The following GLDC variants were observed in gnomAD, a reference collection of about 807,000 sequenced individuals.
The protein encoded by GLDC is glycine decarboxylase.
A neutral mutation model predicts 121.3 loss-of-function variants in GLDC; 104 were observed. That is an observed-to-expected ratio of 0.86 (90% confidence interval 0.73 to 1.01). The LOEUF is 1.01. Ranked by LOEUF, GLDC falls within the 50% of genes least tolerant of loss-of-function variation. GLDC has a pLI of 0.00. For synonymous variants in GLDC, 546 were observed against 480.6 expected (o/e 1.14, Z -1.78); for missense variants, 1,429 against 1,306.6 (o/e 1.09, Z -1.44).
chr9:6,554,548 G>T, intron 19 of GLDC, 121 bp downstream of exon 19: 1 of 771,162 alleles, frequency 1.3e-6, no homozygotes, highest in Non-Finnish European at 2.3e-6. Flanking sequence ...CCCTACAAGT[G>T]CACTACACCG....
intron 4 of GLDC, 29 bp from the exon 5 acceptor site, chr9:6,606,698 G>C: frequency 7.9e-7 from 1 of 1,273,078 alleles, no homozygotes; most frequent in East Asian, 2.3e-5. Flanking sequence ...ACATTCCAAC[G>C]TGAACATTAA....
At chr9:6,599,717 T>C (rs547235385) in intron 8 of GLDC, among the ~76,000 whole-genome samples, 1 of 102,086 alleles carries the variant, frequency 9.8e-6, no homozygotes, top group South Asian at 3.0e-4. Flanking sequence ...CAAGACTCCA[T>C]CTCAAAAAAA....
At chr9:6,539,611 C>T (rs1349330485) in intron 22 of GLDC, among the ~76,000 whole-genome samples, 1 of 152,216 alleles carries the variant, frequency 6.6e-6, no homozygotes, top group Non-Finnish European at 1.5e-5. Flanking sequence ...TTTCAAAATG[C>T]TTCAAAGAAA....
chr9:6,583,589 T>A (rs1273665357), intron 15 of GLDC, among the ~76,000 whole-genome samples: 1 of 152,102 alleles, frequency 6.6e-6, no homozygotes, highest in Admixed American at 6.6e-5. Flanking sequence ...AGCAGGAAGA[T>A]CACTTGAGCC....
intron 22 of GLDC, among the ~76,000 whole-genome samples, chr9:6,537,301 G>A (rs1817148926): frequency 6.6e-6 from 1 of 152,156 alleles, no homozygotes; most frequent in Admixed American, 6.5e-5. Context: ...TAACAGGCAT[G>A]AGCCACCACA....
chr9:6,639,705 G>A (rs1463945369), intron 2 of GLDC: 1 of 162,822 alleles, frequency 6.1e-6, no homozygotes, highest in South Asian at 1.5e-4. Flanking sequence ...AACAGATTCT[G>A]CTGTGAGGGA....
chr9:6,592,776 CAA>C, intron 10 of GLDC, 73 bp downstream of exon 10: 1 of 1,408,630 alleles, frequency 7.1e-7, no homozygotes, highest in Non-Finnish European at 9.9e-7. Flanking sequence ...TTTTTAAAAA[CAA>C]AGAGAAAACC....
intron 22 of GLDC, among the ~76,000 whole-genome samples, chr9:6,537,032 T>A (rs1438649390): frequency 3.6e-5 from 3 of 83,758 alleles, no homozygotes; most frequent in Non-Finnish European, 5.8e-5. Flanking sequence ...TGTAAAGCAT[T>A]TTTTTTTTTT....
chr9:6,560,601 A>G (rs910362067), intron 16 of GLDC, among the ~76,000 whole-genome samples: 1 of 152,250 alleles, frequency 6.6e-6, no homozygotes. Flanking sequence ...GGATCCCTTC[A>G]GGGCAGAATA....
chr9:6,540,691 C>T, intron 21 of GLDC: 1 of 160,200 alleles, frequency 6.2e-6, no homozygotes, highest in Admixed American at 5.9e-5. Flanking sequence ...GTTTTGGTTT[C>T]AGGCTGCAAA....
chr9:6,577,257 T>A (rs1214803716), intron 15 of GLDC, among the ~76,000 whole-genome samples: 3 of 152,206 alleles, frequency 2.0e-5, no homozygotes, highest in African/African-American at 7.2e-5. Flanking sequence ...GTATTCTGAG[T>A]CCACTTGATG....
intron 10 of GLDC, 100 bp from the exon 11 acceptor site, chr9:6,592,323 C>G: frequency 1.3e-6 from 1 of 776,384 alleles, no homozygotes; most frequent in Admixed American, 1.8e-5. Flanking sequence ...TAAACAAAAT[C>G]CCATCATTCC....
At chr9:6,615,893 G>A (rs77478488) in intron 3 of GLDC, among the ~76,000 whole-genome samples, 22,022 of 151,932 alleles carry the variant, frequency 0.14, 1,656 homozygotes, top group South Asian at 0.28. Context: ...GGATACAGGC[G>A]TGAGCCACCG....
chr9:6,642,978 A>C (rs1193558365), intron 2 of GLDC, among the ~76,000 whole-genome samples: 2 of 151,830 alleles, frequency 1.3e-5, no homozygotes, highest in Non-Finnish European at 2.9e-5. Flanking sequence ...GGCTCGCTGC[A>C]ACCTCCACTG....
At chr9:6,563,406 G>A (rs766889026) in intron 16 of GLDC, among the ~76,000 whole-genome samples, 7 of 152,256 alleles carry the variant, frequency 4.6e-5, no homozygotes, top group Non-Finnish European at 1.0e-4. Flanking sequence ...CAGTGGAGGA[G>A]TCGGGTGGAG....
At chr9:6,553,699 C>T (rs916866483) in intron 19 of GLDC, among the ~76,000 whole-genome samples, 190 bp from the exon 20 acceptor site, 1 of 152,052 alleles carries the variant, frequency 6.6e-6, no homozygotes, top group East Asian at 1.9e-4. Flanking sequence ...GGTGGAGGTC[C>T]ACCAGCCATC....
At chr9:6,536,481 A>G (rs767463147) in intron 22 of GLDC, among the ~76,000 whole-genome samples, 10 of 152,196 alleles carry the variant, frequency 6.6e-5, no homozygotes, top group Non-Finnish European at 1.3e-4. Context: ...TAAATAGACA[A>G]CCATTCAAAA....
intron 2 of GLDC, among the ~76,000 whole-genome samples, chr9:6,621,302 A>G (rs1819089098): frequency 6.6e-6 from 1 of 152,200 alleles, no homozygotes; most frequent in African/African-American, 2.4e-5. Flanking sequence ...CATTCATATA[A>G]TCACAAAATA....
chr9:6,595,148 C>A (rs781098223), intron 8 of GLDC, 29 bp from the exon 9 acceptor site: 1 of 1,412,590 alleles, frequency 7.1e-7, no homozygotes, highest in African/African-American at 1.4e-5. Flanking sequence ...TAAAGAATCA[C>A]GTGATGGAGG....
Sources: allele counts gnomAD v4.1 joint callset (sites outside exome capture counted in the v4.1 genomes callset), GRCh38; gene constraint gnomAD v4.1.1; transcripts MANE v1.5; gene names NCBI Gene and HGNC (gene_info 2026-07-23, HGNC 2026-07-21).